The following AKAP13 variants were observed in gnomAD, a reference collection of about 807,000 sequenced individuals.
AKAP13 encodes the protein A-kinase anchor protein 13.
In AKAP13, 80 loss-of-function variants were observed where a neutral mutation model predicts 264.5. That is an observed-to-expected ratio of 0.30 (90% CI 0.25 to 0.36). AKAP13 has a LOEUF of 0.36. Ranked by LOEUF, AKAP13 falls within the 10% of genes least tolerant of loss-of-function variation. The probability of loss-of-function intolerance (pLI) is 1.00; values close to 1 mark genes in which losing one functional copy is unlikely to be tolerated. For missense variants in AKAP13, 3,712 were observed against 3,435.2 expected (o/e 1.08, Z -2.01); for synonymous variants, 1,380 against 1,250.2 (o/e 1.10, Z -2.19).
At chr15:85,611,725 A>G (rs1256432868) in intron 8 of AKAP13, among the ~76,000 whole-genome samples, 1 of 152,224 alleles carries the variant, frequency 6.6e-6, no homozygotes, top group African/African-American at 2.4e-5. Flanking sequence ...TTGTAGCGAC[A>G]ATACACTTGT....
chr15:85,606,954 C>T (rs1356718650), intron 8 of AKAP13, among the ~76,000 whole-genome samples: 1 of 152,046 alleles, frequency 6.6e-6, no homozygotes, highest in Non-Finnish European at 1.5e-5. Context: ...GTTTCGGGGA[C>T]ATTTTAAGTT....
intron 1 of AKAP13, chr15:85,480,991 C>G (rs984923698): frequency 6.6e-6 from 1 of 152,248 alleles, no homozygotes; most frequent in Non-Finnish European, 1.5e-5. Context: ...CGCGTCTGTC[C>G]TAAGGAGACA....
At chr15:85,734,115 G>A (rs1206036083) in intron 30 of AKAP13, among the ~76,000 whole-genome samples, 1 of 151,790 alleles carries the variant, frequency 6.6e-6, no homozygotes, top group Non-Finnish European at 1.5e-5. Flanking sequence ...TTACAGGCAT[G>A]AGCCACTGCA....
At chr15:85,499,850 T>A (rs1171952513) in intron 2 of AKAP13, among the ~76,000 whole-genome samples, 1 of 152,190 alleles carries the variant, frequency 6.6e-6, no homozygotes, top group Non-Finnish European at 1.5e-5. Flanking sequence ...TTTGTATGCA[T>A]GCCTTTTCCG....
chr15:85,402,677 C>T (rs1004762983), intron 1 of AKAP13, among the ~76,000 whole-genome samples: 7 of 150,880 alleles, frequency 4.6e-5, no homozygotes, highest in Middle Eastern at 3.2e-3. Flanking sequence ...TTTTTTTTTT[C>T]GAGCACTTAC....
chr15:85,471,511 A>G (rs1238563134), intron 1 of AKAP13, among the ~76,000 whole-genome samples: 1 of 152,194 alleles, frequency 6.6e-6, no homozygotes, highest in East Asian at 1.9e-4. Flanking sequence ...CAAACAAACA[A>G]ACAAACAAAA....
At chr15:85,399,095 A>G (rs2071261482) in intron 1 of AKAP13, among the ~76,000 whole-genome samples, 1 of 152,194 alleles carries the variant, frequency 6.6e-6, no homozygotes, top group African/African-American at 2.4e-5. Flanking sequence ...GTTCATAGAT[A>G]TTGTCAAGTT....
intron 1 of AKAP13, among the ~76,000 whole-genome samples, chr15:85,410,801 G>A (rs141651713): frequency 1.3e-5 from 2 of 151,650 alleles, no homozygotes; most frequent in Admixed American, 6.5e-5. Context: ...ATCATTTTCC[G>A]TTCTCAGAAT....
At chr15:85,526,281 A>G (rs1265653290) in intron 3 of AKAP13, among the ~76,000 whole-genome samples, 1 of 151,964 alleles carries the variant, frequency 6.6e-6, no homozygotes, top group Non-Finnish European at 1.5e-5. Context: ...TTGTTTTGAG[A>G]CAGAGTCTCA....
chr15:85,667,353 C>T (rs2083660959), intron 13 of AKAP13, among the ~76,000 whole-genome samples: 1 of 152,034 alleles, frequency 6.6e-6, no homozygotes, highest in African/African-American at 2.4e-5. Flanking sequence ...TCTACTTGTT[C>T]TGATACTTCA....
chr15:85,547,969 G>A (rs1296346852), intron 5 of AKAP13, among the ~76,000 whole-genome samples: 1 of 152,136 alleles, frequency 6.6e-6, no homozygotes, highest in Non-Finnish European at 1.5e-5. Context: ...AAAGACCCCA[G>A]TTTGCAGGCT....
At chr15:85,490,892 G>C (rs2075703268) in intron 2 of AKAP13, among the ~76,000 whole-genome samples, 1 of 152,186 alleles carries the variant, frequency 6.6e-6, no homozygotes, top group Non-Finnish European at 1.5e-5. Flanking sequence ...GATTGTGCCT[G>C]ACCAGGGGCT....
rs2079115771 is a variant in AKAP13 at position 85,579,589 on chromosome 15, A to G, written c.1521A>G (p.Arg507=). The G allele has an allele frequency of 1.9e-6, 3 of 1,614,212 alleles. No homozygotes were observed. The highest frequency in any genetic ancestry group is 1.7e-6 in the Non-Finnish European group (2 of 1,180,040). ...VLQGGESTKE[R]FENSNIGTAG... is the part of the protein sequence containing the mutation. ...AGGGAGGGGAAAGTACAAAGGAAAGATTTGAGAACTCTAATATTGGCACAG... is the reference window on the plus strand; with the variant it reads ...AGGGAGGGGAAAGTACAAAGGAAAGGTTTGAGAACTCTAATATTGGCACAG... The change falls in exon 7 of 37, where the codon AGA becomes AGG. Residue 507 remains arginine, a synonymous_variant. Coordinates refer to ENST00000394518, the MANE Select transcript of AKAP13 (RefSeq NM_007200.5).
rs77809541 is a variant in AKAP13 at position 85,589,090 on chromosome 15, C to G, written c.4161+3267C>G. ...TGAAATCTGACTACTTAACTCTTCT[C>G]CGTGGTGCTCTGACAAACTTGCCTT... On this transcript the variant is annotated intron_variant, in intron 8 of 36. Transcript: ENST00000394518. 2.0e-5 allele frequency among the ~76,000 whole-genome samples: 3 copies of G among 152,156 alleles called. No individual in the cohort carries two copies. The East Asian group carries it at 5.8e-4, about 29-fold the overall frequency.
chr15:85,427,370 AT>A (rs145638202), intron 1 of AKAP13, among the ~76,000 whole-genome samples: 3 of 151,134 alleles, frequency 2.0e-5, no homozygotes, highest in Non-Finnish European at 4.4e-5. Context: ...AAATTTTGAG[AT>A]TTTTTTTTCT....
intron 1 of AKAP13, among the ~76,000 whole-genome samples, chr15:85,437,539 A>G (rs2073369968): frequency 6.6e-6 from 1 of 151,666 alleles, no homozygotes; most frequent in South Asian, 2.1e-4. Context: ...TTAGACCAAT[A>G]TCCTTGATGA....
chr15:85,448,323 A>G (rs999895214), intron 1 of AKAP13, among the ~76,000 whole-genome samples: 6 of 151,494 alleles, frequency 4.0e-5, no homozygotes, highest in East Asian at 1.9e-4. Context: ...TAGATTGTCT[A>G]CTCTGTTGAC....
rs2087667151 is a variant in AKAP13, at chr15:85,727,154, G to C, written c.6911G>C (p.Gly2304Ala). Residue 2304 changes from glycine to alanine, a missense_variant, in exon 28 of 37, where the codon GGG becomes GCG. Gly to Ala is a moderately conservative substitution (Grantham distance 60). Transcript: ENST00000394518. The surrounding 1 kb of genome is among the most constrained non-coding windows in gnomAD (Gnocchi z 5.3). ...AAAGGTTTATTCCTGATCAGCATGG[G>C]GATGACAGATCCAGAGATGGTAGAA... ...EEKGLFLISM[G>A]MTDPEMVEVH... The C allele has an allele frequency of 1.2e-6, 2 of 1,614,080 alleles. No individual in the cohort carries two copies. The highest frequency in any genetic ancestry group is 2.7e-5 in the African/African-American group (2 of 74,922).
chr15:85,440,636 G>C (rs976747791), intron 1 of AKAP13, among the ~76,000 whole-genome samples: 1 of 152,198 alleles, frequency 6.6e-6, no homozygotes, highest in African/African-American at 2.4e-5. Flanking sequence ...GTACCTAAAA[G>C]GGAGGGGAGT....
Sources: gnomAD v4.1 joint callset for allele counts (sites outside exome capture counted in the v4.1 genomes callset) on GRCh38, gnomAD v4.1.1 for gene constraint, Gnocchi (gnomAD v3.1) non-coding constraint, MANE v1.5 for transcripts, NCBI Gene and HGNC (gene_info 2026-07-23, HGNC 2026-07-21) for gene names.